CCR3: variants seen among roughly 807,000 people sequenced by gnomAD.
CCR3 encodes C-C chemokine receptor type 3.
For missense variants in CCR3, 419 were observed against 437.5 expected (o/e 0.96, Z 0.38); for synonymous variants, 203 against 179.2 (o/e 1.13, Z -1.06).
chr3:46,247,714 T>C (rs1700223440), intron 1 of CCR3, among the ~76,000 whole-genome samples: 2 of 152,078 alleles, frequency 1.3e-5, no homozygotes, highest in Admixed American at 1.3e-4. Flanking sequence ...TCAGACCCTG[T>C]AGGAAAGGCC....
intron 1 of CCR3, among the ~76,000 whole-genome samples, chr3:46,261,308 A>G (rs781661070): frequency 6.6e-6 from 1 of 152,266 alleles, no homozygotes; most frequent in Non-Finnish European, 1.5e-5. Context: ...GATCATCTAT[A>G]TAAATCATCT....
chr3:46,222,103 C>T (rs1271344878), intron 2 of CCR3, among the ~76,000 whole-genome samples: 3 of 152,222 alleles, frequency 2.0e-5, no homozygotes, highest in African/African-American at 4.8e-5. Context: ...GACAATAAGG[C>T]GTGACACTCT....
At position 46,217,896 on chromosome 3, in the gene CCR3, C is replaced by T. The variant is rs1699792769; in HGVS notation, c.-68+6989C>T. On this transcript the variant is annotated intron_variant, in intron 2 of 3. Coordinates refer to the CCR3 transcript ENST00000357422. ...GCACAAATAGACACCTAAGGCCACA[C>T]CTCAAGGAACCAGAGAAACAAGAAC... Among the ~76,000 whole-genome samples, 3 of 151,586 alleles carry T rather than the reference C, an allele frequency of 2.0e-5. No homozygotes were observed. The South Asian group carries it at 6.2e-4, about 32-fold the overall frequency.
intron 1 of CCR3, among the ~76,000 whole-genome samples, chr3:46,260,722 T>A (rs144437819): frequency 6.6e-6 from 1 of 152,216 alleles, no homozygotes; most frequent in African/African-American, 2.4e-5. Flanking sequence ...TAATCAAAGA[T>A]CTTGATAAAC....
chr3:46,252,548 A>G (rs1233346499), intron 1 of CCR3, among the ~76,000 whole-genome samples: 1 of 152,098 alleles, frequency 6.6e-6, no homozygotes, highest in Non-Finnish European at 1.5e-5. Context: ...CTATTGGACC[A>G]CTGCACAGAT....
chr3:46,242,978 T>TATATATATATATATAC (rs1322626418), intron 1 of CCR3, among the ~76,000 whole-genome samples: 73 of 81,360 alleles, frequency 9.0e-4, no homozygotes, highest in Non-Finnish European at 1.0e-3. Context: ...TATATATATA[T>TATATATATATATATAC]ACACATATAT....
At position 46,245,444 on chromosome 3, in the gene CCR3, T is replaced by C. The variant is rs541029064; in HGVS notation, c.-12+2906T>C. Among the ~76,000 whole-genome samples the C allele has an allele frequency of 1.4e-4, 21 of 149,230 alleles. No individual in the cohort carries two copies. The South Asian group carries it at 4.5e-3, about 32-fold the overall frequency. On this transcript the variant is annotated intron_variant, in intron 1 of 1. Coordinates refer to ENST00000395940, the MANE Select transcript of CCR3 (RefSeq NM_178329.3). ...TTCTATCTTACGTGGGCCTAAAACA[T>C]TGCCTAATCCAACCCTTTAATTAAA...
intron 2 of CCR3, among the ~76,000 whole-genome samples, chr3:46,224,734 CAAAAAAAAA>C (rs901561258): frequency 2.1e-5 from 1 of 47,472 alleles, no homozygotes; most frequent in Non-Finnish European, 4.4e-5. Context: ...AAGACTCTGT[CAAAAAAAAA>C]AAAAAAAAAA....
At chr3:46,250,918 A>G (rs1274055780) in intron 1 of CCR3, among the ~76,000 whole-genome samples, 2 of 151,918 alleles carry the variant, frequency 1.3e-5, no homozygotes, top group Non-Finnish European at 2.9e-5. Context: ...ATTGGGGCAC[A>G]GAGATAAGAG....
chr3:46,234,199 T>G (rs1699998619), intron 2 of CCR3, among the ~76,000 whole-genome samples: 2 of 152,220 alleles, frequency 1.3e-5, no homozygotes, highest in Admixed American at 1.3e-4. Flanking sequence ...TAGGAAGGTT[T>G]CAAACAGATT....
chr3:46,241,857 A>G (rs1038769784), upstream of CCR3, among the ~76,000 whole-genome samples: 1 of 152,126 alleles, frequency 6.6e-6, no homozygotes, highest in South Asian at 2.1e-4. Flanking sequence ...AGTCAAATCA[A>G]TGCTTATTCA....
upstream of CCR3, among the ~76,000 whole-genome samples, chr3:46,239,949 C>T (rs1700062834): frequency 6.6e-6 from 1 of 152,196 alleles, no homozygotes; most frequent in East Asian, 1.9e-4. Flanking sequence ...CCCACATTTC[C>T]ATGGAATCTA....
At chr3:46,234,234 C>A (rs868756318) in intron 2 of CCR3, among the ~76,000 whole-genome samples, 1 of 152,120 alleles carries the variant, frequency 6.6e-6, no homozygotes, top group African/African-American at 2.4e-5. Flanking sequence ...TTCTCAGGGG[C>A]CTTTAATGCA....
At chr3:46,248,391 G>A (rs1163002284) in intron 1 of CCR3, among the ~76,000 whole-genome samples, 2 of 152,200 alleles carry the variant, frequency 1.3e-5, no homozygotes, top group East Asian at 1.9e-4. Context: ...AGTGGCAGCT[G>A]CTGCATGCAG....
chr3:46,241,275 C>A (rs1447190708), upstream of CCR3, among the ~76,000 whole-genome samples: 1 of 152,084 alleles, frequency 6.6e-6, no homozygotes, highest in Non-Finnish European at 1.5e-5. Context: ...ACATATCAAA[C>A]GTTTGATAAA....
intron 2 of CCR3, among the ~76,000 whole-genome samples, chr3:46,228,532 T>C (rs1559526778): frequency 6.6e-6 from 1 of 152,234 alleles, no homozygotes; most frequent in Non-Finnish European, 1.5e-5. Flanking sequence ...GATCTTTTAA[T>C]GATATGACAT....
intron 2 of CCR3, among the ~76,000 whole-genome samples, chr3:46,223,198 A>G (rs1052079205): frequency 6.6e-6 from 1 of 152,178 alleles, no homozygotes; most frequent in African/African-American, 2.4e-5. Context: ...CTAAAAATAC[A>G]AAAATTAGCT....
intron 2 of CCR3, among the ~76,000 whole-genome samples, chr3:46,234,028 C>A (rs879323742): frequency 1.3e-5 from 2 of 152,238 alleles, no homozygotes; most frequent in Non-Finnish European, 2.9e-5. Flanking sequence ...CAAGGTAAGA[C>A]AATGGACAGG....
intron 1 of CCR3, among the ~76,000 whole-genome samples, chr3:46,260,330 T>A (rs569678939): frequency 4.6e-5 from 7 of 152,316 alleles, no homozygotes; most frequent in African/African-American, 1.4e-4. Context: ...CCCAAAGTCT[T>A]AACTCATTTC....
Sources: allele counts gnomAD v4.1 joint callset (sites outside exome capture counted in the v4.1 genomes callset), GRCh38; gene constraint gnomAD v4.1.1; transcripts MANE v1.5; gene names NCBI Gene and HGNC (gene_info 2026-07-23, HGNC 2026-07-21).